The following MINAR2 variants were observed in gnomAD, a reference collection of about 807,000 sequenced individuals.
MINAR2 encodes the protein membrane integral NOTCH2 associated receptor 2.
In MINAR2, 21 loss-of-function variants were observed where a neutral mutation model predicts 16.1. The ratio of observed to expected loss-of-function variants is 1.31; its 90% CI spans 0.93 to 1.88. The LOEUF is 1.88. MINAR2 is among the 40% of genes most tolerant of loss of function. The probability of loss-of-function intolerance (pLI) is 0.00; values close to 1 mark genes in which losing one functional copy is unlikely to be tolerated. For missense variants in MINAR2, 259 were observed against 229.8 expected (o/e 1.13, Z -0.82); for synonymous variants, 86 against 83.0 (o/e 1.04, Z -0.20).
At chr5:129,763,045 T>C (rs539601667) in intron 2 of MINAR2, among the ~76,000 whole-genome samples, 3 of 152,228 alleles carry the variant, frequency 2.0e-5, no homozygotes, top group Non-Finnish European at 4.4e-5. Flanking sequence ...TTATTGGCAA[T>C]AGGGAGTAAT....
intron 1 of MINAR2, among the ~76,000 whole-genome samples, chr5:129,759,505 GTA>G (rs1212634755): frequency 6.6e-6 from 1 of 151,980 alleles, no homozygotes; most frequent in Non-Finnish European, 1.5e-5. Flanking sequence ...ACAAAACAAA[GTA>G]AAAATCTGAA....
chr5:129,753,089 G>A (rs1758005757), intron 1 of MINAR2, among the ~76,000 whole-genome samples: 1 of 151,810 alleles, frequency 6.6e-6, no homozygotes, highest in Non-Finnish European at 1.5e-5. Flanking sequence ...TTTTATCATG[G>A]GTTTTTTTTT....
At position 129,760,559 on chromosome 5, in the gene MINAR2, A is replaced by T; in HGVS notation, c.347A>T (p.Glu116Val). 6.5e-7 allele frequency: 1 copy of T among 1,535,604 alleles called. No individual in the cohort carries two copies. The highest frequency in any genetic ancestry group is 8.7e-7 in the Non-Finnish European group (1 of 1,146,516). ...AAGAACCCCTCATGGACCATTGAGG[A>T]ATATGACAAACATTCCCTGCACACA... is the stretch of plus-strand genomic sequence containing the variant. The part of the protein sequence containing the change: ...RKKNPSWTIE[E>V]YDKHSLHTNL... The change falls in exon 2 of 3, where the codon GAA becomes GTA. Residue 116 changes from glutamate to valine, a missense_variant. Glu to Val is a moderately radical substitution (Grantham distance 121, BLOSUM62 -2). Coordinates refer to ENST00000564719, the MANE Select transcript of MINAR2 (RefSeq NM_001257308.2).
rs765057968 is a variant in MINAR2 at position 129,766,102 on chromosome 5, T to C, written c.*1039T>C. 6 of 152,238 alleles carry C rather than the reference T, an allele frequency of 3.9e-5. No homozygotes were observed. The highest frequency in any genetic ancestry group is 5.9e-5 in the Non-Finnish European group (4 of 68,044). 9.4% of individuals were successfully genotyped at this position (152,238 alleles called of 1,614,324 possible). On this transcript the variant is annotated 3_prime_UTR_variant, in exon 3 of 3. Coordinates refer to ENST00000564719, the MANE Select transcript of MINAR2 (RefSeq NM_001257308.2). ...TGTCTGCAGATACCTGGGGACATGG[T>C]TGTAGACACAGATGGGGAATCAAGT... is the stretch of plus-strand genomic sequence containing the variant.
intron 2 of MINAR2, among the ~76,000 whole-genome samples, chr5:129,764,404 T>C (rs1444633586): frequency 6.6e-6 from 1 of 152,224 alleles, no homozygotes; most frequent in East Asian, 1.9e-4. Context: ...CCGGGTTTAC[T>C]GAAAACCCCA....
chr5:129,749,685 A>G (rs1157195825), intron 1 of MINAR2, among the ~76,000 whole-genome samples: 1 of 152,192 alleles, frequency 6.6e-6, no homozygotes, highest in Non-Finnish European at 1.5e-5. Context: ...TGGCCCTTCT[A>G]TGCTATGCAG....
chr5:129,760,643 G>A (rs2149546604), intron 2 of MINAR2, 38 bp downstream of exon 2: 2 of 1,395,842 alleles, frequency 1.4e-6, no homozygotes, highest in East Asian at 2.5e-5. Flanking sequence ...CAACTGATAA[G>A]GGAGATCAGT....
At chr5:129,762,891 T>C (rs1285374584) in intron 2 of MINAR2, among the ~76,000 whole-genome samples, 1 of 152,144 alleles carries the variant, frequency 6.6e-6, no homozygotes, top group Non-Finnish European at 1.5e-5. Context: ...ATGGTTTGCC[T>C]AAGTGGGAAG....
At chr5:129,756,718 T>C (rs1340748770) in intron 1 of MINAR2, among the ~76,000 whole-genome samples, 1 of 152,100 alleles carries the variant, frequency 6.6e-6, no homozygotes, top group Non-Finnish European at 1.5e-5. Flanking sequence ...AGTTTTGTTT[T>C]ATAAATGTTG....
At chr5:129,750,129 A>T (rs1327309146) in intron 1 of MINAR2, among the ~76,000 whole-genome samples, 1 of 152,238 alleles carries the variant, frequency 6.6e-6, no homozygotes, top group East Asian at 1.9e-4. Context: ...GATGTGGCAC[A>T]AAGTATGAGT....
At chr5:129,749,517 C>T (rs1041694470) in intron 1 of MINAR2, among the ~76,000 whole-genome samples, 3 of 152,108 alleles carry the variant, frequency 2.0e-5, no homozygotes, top group Admixed American at 2.0e-4. Context: ...TCCTCAAACC[C>T]TTCTGCCATT....
chr5:129,753,499 G>T (rs1196627714), intron 1 of MINAR2, among the ~76,000 whole-genome samples: 2 of 83,030 alleles, frequency 2.4e-5, no homozygotes, highest in Non-Finnish European at 2.4e-5. Context: ...AAAAAAAAAA[G>T]TCCCAGCACT....
At chr5:129,761,943 T>A (rs538755169) in intron 2 of MINAR2, among the ~76,000 whole-genome samples, 7 of 151,776 alleles carry the variant, frequency 4.6e-5, no homozygotes, top group African/African-American at 1.7e-4. Context: ...GTGTTCTAAC[T>A]CATAAGTGGG....
In MINAR2 at chr5:129,765,939, C is replaced by A. The variant is rs1010444111; in HGVS notation, c.*876C>A. On this transcript the variant is annotated 3_prime_UTR_variant, in exon 3 of 3. Coordinates refer to ENST00000564719, the MANE Select transcript of MINAR2 (RefSeq NM_001257308.2). The stretch of plus-strand genomic sequence containing the variant: ...CTCAGAGAAGGAATGATATTACCTG[C>A]CCAACAGGGCTGGCCAAAGGACCAA... The A allele has an allele frequency of 6.6e-6, 1 of 152,200 alleles. No individual in the cohort carries two copies. Among genetic ancestry groups the A allele is most frequent in the Admixed American group, 6.5e-5 (1 of 15,282 alleles). The allele number at this position is 152,200 out of a possible 1,614,324, so 9.4% of individuals were successfully genotyped here. A position where few individuals can be genotyped will look rare whatever the true frequency, so the allele number is the denominator to read the frequency against.
At position 129,765,260 on chromosome 5, in the gene MINAR2, T is replaced by A; in HGVS notation, c.*197T>A. 1 of 393,702 alleles carries A rather than the reference T, an allele frequency of 2.5e-6. No individual in the cohort carries two copies. The highest frequency in any genetic ancestry group is 4.4e-6 in the Non-Finnish European group (1 of 225,858). The allele number at this position is 393,702 out of a possible 1,614,324, so 24.4% of individuals were successfully genotyped here. ...ATGCTGGCTTCTCCACTTTGTTCTA[T>A]AAAAGCTTTCTAAGAGTGCCACCCT... On this transcript the variant is annotated 3_prime_UTR_variant, in exon 3 of 3. Transcript: ENST00000564719.
At chr5:129,755,983 A>G (rs1353679036) in intron 1 of MINAR2, among the ~76,000 whole-genome samples, 1 of 152,078 alleles carries the variant, frequency 6.6e-6, no homozygotes, top group Non-Finnish European at 1.5e-5. Flanking sequence ...ACCATTTCAG[A>G]TCCAGCCAAC....
intron 1 of MINAR2, among the ~76,000 whole-genome samples, chr5:129,756,270 GA>G (rs1356907893): frequency 6.6e-6 from 1 of 151,728 alleles, no homozygotes; most frequent in Non-Finnish European, 1.5e-5. Flanking sequence ...GTTTAATAAA[GA>G]CATCCATATA....
intron 1 of MINAR2, among the ~76,000 whole-genome samples, chr5:129,753,507 A>G (rs1456779906): frequency 7.0e-6 from 1 of 142,314 alleles, no homozygotes; most frequent in Non-Finnish European, 1.5e-5. Flanking sequence ...AAGTCCCAGC[A>G]CTTTGGGAGG....
At chr5:129,756,938 A>T in intron 1 of MINAR2, among the ~76,000 whole-genome samples, 1 of 126,590 alleles carries the variant, frequency 7.9e-6, no homozygotes, top group Non-Finnish European at 1.8e-5. Context: ...CCACAGTAAA[A>T]AAAAAAAAAA....
Sources: allele counts gnomAD v4.1 joint callset (sites outside exome capture counted in the v4.1 genomes callset), GRCh38; gene constraint gnomAD v4.1.1; transcripts MANE v1.5; gene names NCBI Gene and HGNC (gene_info 2026-07-23, HGNC 2026-07-21).